Variants in SNAP91 observed in about 807,000 individuals in gnomAD.
SNAP91 encodes the protein clathrin coat assembly protein AP180.
SNAP91 carries 27 observed loss-of-function variants against 100.3 expected under a neutral mutation model. The ratio of observed to expected loss-of-function variants is 0.27; its 90% CI spans 0.20 to 0.37. The LOEUF is 0.37. Among genes scored for constraint, SNAP91 ranks in the 10% least tolerant of loss-of-function variants. SNAP91 has a pLI of 1.00. For missense variants in SNAP91, 986 were observed against 1,123.7 expected, an observed-to-expected ratio of 0.88 and a Z score of 1.75; for synonymous variants, 404 against 398.6, an observed-to-expected ratio of 1.01 and a Z score of -0.16.
In SNAP91 at chr6:83,707,901, C is replaced by G; in HGVS notation, c.27G>C (p.Arg9=). 1.3e-6 allele frequency: 2 copies of G among 1,593,508 alleles called. No homozygotes were observed. The highest frequency in any genetic ancestry group is 1.7e-6 in the Non-Finnish European group (2 of 1,173,196). ...TAACGCTGTACTGAGCGGCGGCGAT[C>G]CGATCCGTGAGCGTTTGGCCCGACA... The part of the protein sequence containing the change: MSGQTLTD[R]IAAAQYSVTG... The change falls in exon 2 of 30, where the codon CGG becomes CGC. Residue 9 remains arginine (R), a synonymous_variant. Coordinates refer to ENST00000369694, the MANE Select transcript of SNAP91 (RefSeq NM_001242792.2).
chr6:83,602,618 A>G (rs1222709133), intron 14 of SNAP91, among the ~76,000 whole-genome samples: 1 of 152,144 alleles, frequency 6.6e-6, no homozygotes, highest in East Asian at 1.9e-4. Flanking sequence ...CACCGGGCAA[A>G]TTGTAGAAGT....
intron 26 of SNAP91, among the ~76,000 whole-genome samples, chr6:83,570,552 G>C (rs949390805): frequency 7.4e-6 from 1 of 135,374 alleles, no homozygotes; most frequent in African/African-American, 3.0e-5. Flanking sequence ...GGTTTACGGG[G>C]TGGCGGGGGG....
At chr6:83,624,503 G>T (rs1376702713) in intron 8 of SNAP91, among the ~76,000 whole-genome samples, 1 of 152,098 alleles carries the variant, frequency 6.6e-6, no homozygotes, top group East Asian at 1.9e-4. Context: ...GCAAACTGGA[G>T]ATCAGAAAAT....
intron 2 of SNAP91, among the ~76,000 whole-genome samples, chr6:83,680,829 T>A (rs535055553): frequency 3.3e-5 from 5 of 152,246 alleles, no homozygotes; most frequent in African/African-American, 1.2e-4. Context: ...CCAGACATTG[T>A]TGTAGACTGT....
At chr6:83,693,581 G>A (rs535352504) in intron 2 of SNAP91, among the ~76,000 whole-genome samples, 127 of 152,238 alleles carry the variant, frequency 8.3e-4, no homozygotes, top group Middle Eastern at 3.4e-3. Flanking sequence ...AATATCAGAC[G>A]CGATGCTGGA....
intron 11 of SNAP91, among the ~76,000 whole-genome samples, chr6:83,611,780 TC>T (rs1244975218): frequency 6.6e-6 from 1 of 150,506 alleles, no homozygotes; most frequent in Admixed American, 6.6e-5. Context: ...CACTGCAAGC[TC>T]CGCCTCCCGG....
intron 22 of SNAP91, among the ~76,000 whole-genome samples, chr6:83,590,347 A>T (rs1388382248): frequency 1.3e-5 from 2 of 152,196 alleles, no homozygotes; most frequent in Non-Finnish European, 2.9e-5. Context: ...ATCACTAAGC[A>T]CACACTTTGT....
chr6:83,554,334 T>A (rs958881412), intron 29 of SNAP91, 49 bp from the exon 30 acceptor site: 10 of 239,598 alleles, frequency 4.2e-5, no homozygotes, highest in African/African-American at 2.1e-4. Context: ...TATTACATAG[T>A]CCTCAAACAT....
At chr6:83,674,385 G>A (rs997164824) in intron 2 of SNAP91, among the ~76,000 whole-genome samples, 1 of 152,064 alleles carries the variant, frequency 6.6e-6, no homozygotes, top group Non-Finnish European at 1.5e-5. Flanking sequence ...TGTGAGTGGA[G>A]ATAGTGCCAC....
chr6:83,592,849 T>C, intron 20 of SNAP91, 97 bp downstream of exon 20: 1 of 914,134 alleles, frequency 1.1e-6, no homozygotes, highest in East Asian at 2.6e-5. Context: ...ATTTTAAATT[T>C]AAAAGAACTC....
chr6:83,657,733 A>G (rs184394993), intron 6 of SNAP91, among the ~76,000 whole-genome samples: 26 of 151,436 alleles, frequency 1.7e-4, no homozygotes, highest in Middle Eastern at 3.4e-3. Context: ...ATGTCTCTAC[A>G]TGTCAAAATA....
rs372988271 is a variant in SNAP91, at chr6:83,580,579, G to A, written c.2170C>T (p.Leu724Phe). 10 of 1,612,684 alleles carry A rather than the reference G, an allele frequency of 6.2e-6. No homozygotes were observed. The highest frequency in any genetic ancestry group is 8.5e-6 in the Non-Finnish European group (10 of 1,179,520). ...DPSVFDGLGD[L>F]LMPTMAPAGQ... The stretch of plus-strand genomic sequence containing the variant: ...GCTGGTGCCATGGTTGGCATCAAAA[G>A]ATCACCTAGACCATCAAACACTGGA... The change falls in exon 24 of 30, where the codon CTT becomes TTT. Residue 724 changes from leucine to phenylalanine, a missense_variant. By Grantham distance (22) the Leu-to-Phe change is conservative. Transcript: ENST00000369694.
chr6:83,609,345 T>C (rs991400267), intron 12 of SNAP91, among the ~76,000 whole-genome samples: 1 of 152,198 alleles, frequency 6.6e-6, no homozygotes, highest in African/African-American at 2.4e-5. Context: ...TCAGCAGTCA[T>C]ATATTGGAGT....
In SNAP91 at chr6:83,601,368, G is replaced by C. The variant is rs201196532; in HGVS notation, c.1227C>G (p.Thr409=). Residue 409 remains threonine (T), a synonymous_variant, in exon 16 of 30, where the codon ACC becomes ACG. Coordinates refer to ENST00000369694, the MANE Select transcript of SNAP91 (RefSeq NM_001242792.2). The part of the protein sequence containing the change: ...QISDPFAPEP[T]PPTTTAEIAT... Reference sequence around the variant, plus strand: ...CAATTTCAGCAGTTGTAGTAGGAGGGGTAGGTTCTGGTGCAAATGGATCTG... The same window carrying C: ...CAATTTCAGCAGTTGTAGTAGGAGGCGTAGGTTCTGGTGCAAATGGATCTG... 1.2e-6 allele frequency: 2 copies of C among 1,613,588 alleles called. No individual in the cohort carries two copies. Among genetic ancestry groups the C allele is most frequent in the Admixed American group, 3.3e-5 (2 of 59,854 alleles).
intron 3 of SNAP91, among the ~76,000 whole-genome samples, chr6:83,663,897 T>C (rs774141382): frequency 2.6e-5 from 4 of 152,076 alleles, no homozygotes; most frequent in East Asian, 1.9e-4. Flanking sequence ...CTGACTCTCT[T>C]GTTAGGGGCT....
intron 9 of SNAP91, among the ~76,000 whole-genome samples, chr6:83,618,773 C>T (rs1332884898): frequency 2.6e-5 from 4 of 151,142 alleles, no homozygotes; most frequent in East Asian, 1.9e-4. Context: ...TCATTGGGAT[C>T]GCAGTAAGGA....
intron 11 of SNAP91, 113 bp downstream of exon 11, chr6:83,614,744 A>C (rs2096377286): frequency 8.2e-6 from 6 of 734,970 alleles, no homozygotes; most frequent in Middle Eastern, 2.5e-4. Flanking sequence ...GATGTGTAAA[A>C]GGGACAGAAA....
At chr6:83,556,340 GGGGAGAGAGAGAGAGA>G (rs1778323140) in intron 28 of SNAP91, 95 bp from the exon 29 acceptor site, 5 of 47,550 alleles carry the variant, frequency 1.1e-4, no homozygotes, top group East Asian at 8.9e-4. Context: ...AGAGGGAGAG[GGGGAGAGAGAGAGAGA>G]GAGAGAGAGA....
intron 2 of SNAP91, chr6:83,689,735 C>T (rs1383997232): frequency 6.6e-6 from 1 of 152,004 alleles, no homozygotes; most frequent in Non-Finnish European, 1.5e-5. Context: ...TTTGACATCA[C>T]TCCTCAAAGA....
Sources: allele counts gnomAD v4.1 joint callset (sites outside exome capture counted in the v4.1 genomes callset), GRCh38; gene constraint gnomAD v4.1.1; transcripts MANE v1.5; gene names NCBI Gene and HGNC (gene_info 2026-07-23, HGNC 2026-07-21).